The following PLA2G6 variants were observed in gnomAD, a reference collection of about 807,000 sequenced individuals.
The protein encoded by PLA2G6 is 85/88 kDa calcium-independent phospholipase A2.
A neutral mutation model predicts 83.8 loss-of-function variants in PLA2G6; 62 were observed. The ratio of observed to expected loss-of-function variants is 0.74; its 90% CI spans 0.60 to 0.91. PLA2G6 has a LOEUF of 0.91. Ranked by LOEUF, PLA2G6 falls within the 40% of genes least tolerant of loss-of-function variation. The probability of loss-of-function intolerance (pLI) is 0.00; values close to 1 mark genes in which losing one functional copy is unlikely to be tolerated. For missense variants in PLA2G6, 944 were observed against 1,102.0 expected (o/e 0.86, Z 2.03); for synonymous variants, 417 against 449.8 (o/e 0.93, Z 0.92).
At chr22:38,176,512 T>C (rs139750516) in intron 1 of PLA2G6, among the ~76,000 whole-genome samples, 6 of 152,292 alleles carry the variant, frequency 3.9e-5, no homozygotes, top group Middle Eastern at 3.4e-3. Flanking sequence ...CTGGCAGCAG[T>C]GACACCCTCC....
chr22:38,127,201 T>C, intron 9 of PLA2G6: 1 of 1,187,736 alleles, frequency 8.4e-7, no homozygotes, highest in South Asian at 1.5e-5. Flanking sequence ...AACCGAGGGC[T>C]GCGAAGCGGT....
At chr22:38,142,776 C>G (rs2088997269) in intron 4 of PLA2G6, 1 of 404,744 alleles carries the variant, frequency 2.5e-6, no homozygotes, top group Non-Finnish European at 4.7e-6. Context: ...CGAGCCCCTC[C>G]AGGCAGGCAT....
At chr22:38,127,067 C>T (rs2087904510) in intron 9 of PLA2G6, 16 of 1,098,266 alleles carry the variant, frequency 1.5e-5, no homozygotes, top group Non-Finnish European at 1.8e-5. Context: ...CTGACGTCCA[C>T]CCAACTGACT....
chr22:38,130,117 G>A (rs1467888303), intron 7 of PLA2G6: 3 of 218,874 alleles, frequency 1.4e-5, no homozygotes, highest in Non-Finnish European at 2.8e-5. Flanking sequence ...TGGTTTCAGA[G>A]GACACACTGG....
chr22:38,160,770 A>G (rs1401332651), intron 2 of PLA2G6, among the ~76,000 whole-genome samples: 3 of 152,102 alleles, frequency 2.0e-5, no homozygotes, highest in South Asian at 2.1e-4. Flanking sequence ...GCGTGAACCC[A>G]GGAGGCAGAG....
At chr22:38,150,589 T>C (rs954218636) in intron 2 of PLA2G6, 7 of 152,244 alleles carry the variant, frequency 4.6e-5, no homozygotes, top group Non-Finnish European at 7.3e-5. Context: ...GATACATATG[T>C]TGCACAATAT....
In PLA2G6 at chr22:38,132,411, G is replaced by A. The variant is rs539466295; in HGVS notation, c.1077+420C>T. 3.1e-6 allele frequency: 1 copy of A among 326,490 alleles called. No homozygotes were observed. Among genetic ancestry groups the A allele is most frequent in the Non-Finnish European group, 5.9e-6 (1 of 169,250 alleles). The allele number at this position is 326,490 out of a possible 1,614,324, so 20.2% of individuals were successfully genotyped here. A position where few individuals can be genotyped will look rare whatever the true frequency, so the allele number is the denominator to read the frequency against. ...GGCCAGGTACTGCGTGTGTCACTTAGACATTCTGTAGAGGGTGACCAAGTG... is the reference window on the plus strand; with the variant it reads ...GGCCAGGTACTGCGTGTGTCACTTAAACATTCTGTAGAGGGTGACCAAGTG... On this transcript the variant is annotated intron_variant, in intron 7 of 16. Coordinates refer to ENST00000332509, the MANE Select transcript of PLA2G6 (RefSeq NM_003560.4). The surrounding 1 kb of genome is among the most constrained non-coding windows in gnomAD (Gnocchi z 5.0).
Position 38,159,719 on chromosome 22 carries a change from T to G in PLA2G6, c.209+9499A>C, listed in dbSNP as rs11570620. Among the ~76,000 whole-genome samples the G allele has an allele frequency of 2.8e-4, 33 of 116,844 alleles. No individual in the cohort carries two copies. In the East Asian group the frequency reaches 7.3e-3, roughly 26 times the overall value. 76.7% of individuals were successfully genotyped at this position (116,844 alleles called of 152,430 possible). A position where few individuals can be genotyped will look rare whatever the true frequency, so the allele number is the denominator to read the frequency against. The stretch of plus-strand genomic sequence containing the variant: ...AAGTTTGGCCTGGGTGAGAGAGAGA[T>G]AGATGAAAGGAAGGAAGGAAGGAAG... On this transcript the variant is annotated intron_variant, in intron 2 of 16. Transcript: ENST00000332509.
At chr22:38,146,647 A>G (rs965997232) in intron 2 of PLA2G6, 1 of 152,202 alleles carries the variant, frequency 6.6e-6, no homozygotes, top group Non-Finnish European at 1.5e-5. Context: ...GTAGGAACTA[A>G]GTAAGTATTG....
At chr22:38,153,347 C>T (rs1185700318) in intron 2 of PLA2G6, among the ~76,000 whole-genome samples, 1 of 152,226 alleles carries the variant, frequency 6.6e-6, no homozygotes, top group Non-Finnish European at 1.5e-5. Flanking sequence ...GGCCCCCGCC[C>T]TGTCTGGGAA....
intron 2 of PLA2G6, among the ~76,000 whole-genome samples, chr22:38,162,859 G>C (rs1225142082): frequency 6.6e-6 from 1 of 152,174 alleles, no homozygotes; most frequent in Non-Finnish European, 1.5e-5. Flanking sequence ...CCTTCAAGGA[G>C]AGCCAGGTGT....
chr22:38,131,299 C>A (rs1474526295), intron 7 of PLA2G6: 1 of 152,120 alleles, frequency 6.6e-6, no homozygotes, highest in Non-Finnish European at 1.5e-5. Context: ...TGCTGGTGTA[C>A]ACGAGCCACT....
intron 11 of PLA2G6, among the ~76,000 whole-genome samples, chr22:38,121,384 C>G (rs563125393): frequency 6.6e-6 from 1 of 152,026 alleles, no homozygotes; most frequent in South Asian, 2.1e-4. Flanking sequence ...CACTGAAGCC[C>G]CACGGCTCTG....
rs980138418 is a variant in PLA2G6, at chr22:38,133,076, C to T, written c.895-63G>A. The T allele has an allele frequency of 6.2e-6, 9 of 1,456,988 alleles. No homozygotes were observed. The South Asian group carries it at 7.3e-5, about 12-fold the overall frequency. 90.3% of individuals were successfully genotyped at this position (1,456,988 alleles called of 1,614,324 possible). A position where few individuals can be genotyped will look rare whatever the true frequency, so the allele number is the denominator to read the frequency against. On this transcript the variant is annotated intron_variant, in intron 6 of 16. Coordinates refer to ENST00000332509, the MANE Select transcript of PLA2G6 (RefSeq NM_003560.4). Reference sequence around the variant, plus strand: ...CGGGGAGCTGCCGCACCCCGGGACACGTGGGCACTGCCACTTCTGCTCTGA... The same window carrying T: ...CGGGGAGCTGCCGCACCCCGGGACATGTGGGCACTGCCACTTCTGCTCTGA...
At chr22:38,133,184 G>A in intron 6 of PLA2G6, 171 bp from the exon 7 acceptor site, 1 of 642,082 alleles carries the variant, frequency 1.6e-6, no homozygotes, top group Non-Finnish European at 2.7e-6. Context: ...GGCCTAGACT[G>A]CCTCCCATCC....
chr22:38,169,786 T>C (rs2090362363), intron 1 of PLA2G6, among the ~76,000 whole-genome samples: 1 of 152,216 alleles, frequency 6.6e-6, no homozygotes, highest in South Asian at 2.1e-4. Context: ...TCACCTGTAG[T>C]GTGTGGTATT....
chr22:38,158,468 G>A (rs530659961), intron 2 of PLA2G6, among the ~76,000 whole-genome samples: 3 of 152,270 alleles, frequency 2.0e-5, no homozygotes, highest in Admixed American at 6.5e-5. Context: ...ACTGCAACCC[G>A]CCACGTCAAG....
In PLA2G6 at chr22:38,173,372, GAC is replaced by G. The variant is rs572205812; in HGVS notation, c.-45-3903_-45-3902del. Among the ~76,000 whole-genome samples, 785 of 151,976 alleles carry G rather than the reference GAC, an allele frequency of 5.2e-3. 12 individuals are homozygous for G. Among genetic ancestry groups the G allele is most frequent in the Non-Finnish European group, 4.0e-3 (274 of 67,988 alleles). ...CACCCCCAGGATGCCCAGGTCACCT[GAC>G]ACAGACCGCACCTCGGCTGTGTCAA... On this transcript the variant is annotated intron_variant, in intron 1 of 16. Coordinates refer to ENST00000332509, the MANE Select transcript of PLA2G6 (RefSeq NM_003560.4).
intron 1 of PLA2G6, among the ~76,000 whole-genome samples, chr22:38,174,818 C>T (rs183858278): frequency 6.6e-6 from 1 of 152,228 alleles, no homozygotes; most frequent in African/African-American, 2.4e-5. Flanking sequence ...CTGTGATCAA[C>T]GTGAACACAG....
Sources: allele counts gnomAD v4.1 joint callset (sites outside exome capture counted in the v4.1 genomes callset), GRCh38; gene constraint gnomAD v4.1.1; non-coding constraint Gnocchi (gnomAD v3.1); transcripts MANE v1.5; gene names NCBI Gene and HGNC (gene_info 2026-07-23, HGNC 2026-07-21).